Variants in RUNDC3B observed in about 807,000 individuals in gnomAD.
RUNDC3B encodes the protein RUN domain containing 3B, also known as RUN domain-containing protein 3B.
Under a neutral mutation model 58.4 loss-of-function variants are expected in RUNDC3B, and 33 were observed. That is an observed-to-expected ratio of 0.56 (90% CI 0.43 to 0.75). RUNDC3B has a LOEUF of 0.75. Ranked by LOEUF, RUNDC3B falls within the 30% of genes least tolerant of loss-of-function variation. The pLI is 0.00. For synonymous variants in RUNDC3B, 193 were observed against 195.2 expected (o/e 0.99, Z 0.10); for missense variants, 501 against 535.7 (o/e 0.94, Z 0.64).
chr7:87,820,901 G>A (rs1275867818), intron 10 of RUNDC3B, among the ~76,000 whole-genome samples: 2 of 151,906 alleles, frequency 1.3e-5, no homozygotes, highest in Non-Finnish European at 2.9e-5. Context: ...AAATAATAAA[G>A]AGCTATCTAT....
chr7:87,805,288 T>C (rs1366262195), intron 8 of RUNDC3B, among the ~76,000 whole-genome samples: 1 of 152,192 alleles, frequency 6.6e-6, no homozygotes, highest in African/African-American at 2.4e-5. Flanking sequence ...TGTCCCATAG[T>C]GTACTTGAGT....
intron 9 of RUNDC3B, among the ~76,000 whole-genome samples, chr7:87,811,557 C>T (rs755774915): frequency 2.6e-5 from 4 of 152,076 alleles, no homozygotes; most frequent in Non-Finnish European, 5.9e-5. Flanking sequence ...AGGATGGCCT[C>T]GATCTCTTGA....
At chr7:87,636,384 T>G (rs1057157999) in intron 1 of RUNDC3B, among the ~76,000 whole-genome samples, 1 of 152,222 alleles carries the variant, frequency 6.6e-6, no homozygotes, top group Non-Finnish European at 1.5e-5. Flanking sequence ...TTTCATAAAA[T>G]GGCAATTCAA....
At chr7:87,806,671 T>G (rs1357226588) in intron 8 of RUNDC3B, among the ~76,000 whole-genome samples, 1 of 152,140 alleles carries the variant, frequency 6.6e-6, no homozygotes, top group African/African-American at 2.4e-5. Context: ...GAAGTAACAG[T>G]TCTATAAAAA....
At position 87,650,918 on chromosome 7, in the gene RUNDC3B, T is replaced by A; in HGVS notation, c.219T>A (p.Ile73=). The change falls in exon 2 of 11, where the codon ATT becomes ATA. Residue 73 remains isoleucine (I), a synonymous_variant. Coordinates refer to ENST00000394654, the MANE Select transcript of RUNDC3B (RefSeq NM_001134405.2). ...ATTTTGCAGCTATTTTGGAACAGAT[T>A]TTAAGCCACCGGCTAAAAGGTAAAA... The part of the protein sequence containing the change: ...FNNFAAILEQ[I]LSHRLKGQVT... The A allele has an allele frequency of 1.2e-6, 2 of 1,606,024 alleles. No individual in the cohort carries two copies. Among genetic ancestry groups the A allele is most frequent in the Non-Finnish European group, 1.7e-6 (2 of 1,172,932 alleles).
chr7:87,763,306 GT>G (rs1476970465), intron 6 of RUNDC3B, among the ~76,000 whole-genome samples: 1 of 151,494 alleles, frequency 6.6e-6, no homozygotes, highest in African/African-American at 2.4e-5. Context: ...AATTGTTACT[GT>G]TTTATACTCT....
intron 8 of RUNDC3B, among the ~76,000 whole-genome samples, chr7:87,788,286 G>A (rs1835330350): frequency 6.6e-6 from 1 of 152,078 alleles, no homozygotes; most frequent in Non-Finnish European, 1.5e-5. Context: ...AGTTGGGTGT[G>A]GTGCTGTGTG....
At chr7:87,810,603 T>C (rs1210126964) in intron 9 of RUNDC3B, among the ~76,000 whole-genome samples, 2 of 152,192 alleles carry the variant, frequency 1.3e-5, no homozygotes, top group African/African-American at 4.8e-5. Flanking sequence ...AATTAAGCCA[T>C]TGAATAATTT....
intron 3 of RUNDC3B, among the ~76,000 whole-genome samples, chr7:87,702,142 CAAAAAAAAAAAA>C (rs146127516): frequency 0.022 from 376 of 16,766 alleles, 1 homozygote; most frequent in African/African-American, 0.063. Context: ...GACTCTGTCT[CAAAAAAAAAAAA>C]AAAAAAAAAA....
chr7:87,700,400 A>T (rs970017501), intron 2 of RUNDC3B, 21 bp from the exon 3 acceptor site: 3 of 1,561,274 alleles, frequency 1.9e-6, no homozygotes, highest in African/African-American at 2.8e-5. Flanking sequence ...AAAATTTTAT[A>T]TCGCAATTTG....
At chr7:87,728,120 C>A (rs1831354897) in intron 4 of RUNDC3B, among the ~76,000 whole-genome samples, 1 of 152,060 alleles carries the variant, frequency 6.6e-6, no homozygotes, top group African/African-American at 2.4e-5. Context: ...CTTATAACTC[C>A]AGTGTTTGCA....
chr7:87,750,324 T>G (rs1400640378), intron 6 of RUNDC3B, among the ~76,000 whole-genome samples: 1 of 151,896 alleles, frequency 6.6e-6, no homozygotes, highest in Non-Finnish European at 1.5e-5. Context: ...TTGTGAATAA[T>G]GCCGCAATAA....
intron 6 of RUNDC3B, among the ~76,000 whole-genome samples, chr7:87,754,329 C>T (rs1833224591): frequency 6.6e-6 from 1 of 152,116 alleles, no homozygotes; most frequent in Admixed American, 6.6e-5. Flanking sequence ...ACAACATGCT[C>T]CTGATTGACT....
Position 87,753,715 on chromosome 7 carries a change from T to C in RUNDC3B, c.629+12136T>C, listed in dbSNP as rs562802373. Among the ~76,000 whole-genome samples the C allele has an allele frequency of 2.9e-3, 438 of 152,338 alleles. 3 individuals are homozygous for C. The highest frequency in any genetic ancestry group is 9.8e-3 in the African/African-American group (409 of 41,580). Reference sequence around the variant, plus strand: ...ACTTTGAAGTCATCCTTAAATTCTCTGCTATAACTCAAATAGGATCCATCA... The same window carrying C: ...ACTTTGAAGTCATCCTTAAATTCTCCGCTATAACTCAAATAGGATCCATCA... On this transcript the variant is annotated intron_variant, in intron 6 of 10. Transcript: ENST00000394654.
chr7:87,694,008 G>A lies in RUNDC3B; in HGVS notation c.239-6413G>A. On this transcript the variant is annotated intron_variant, in intron 2 of 10. Coordinates refer to ENST00000394654, the MANE Select transcript of RUNDC3B (RefSeq NM_001134405.2). ...CGCCACTGAGCTGCACGGGAGCATG[G>A]AATTGACTTTCGGGGGAGGGCTGTA... 1.9e-6 allele frequency: 3 copies of A among 1,603,874 alleles called. No individual in the cohort carries two copies. In the South Asian group the frequency reaches 3.4e-5, roughly 18 times the overall value.
chr7:87,646,334 G>A (rs1823000441), intron 1 of RUNDC3B, among the ~76,000 whole-genome samples: 1 of 152,108 alleles, frequency 6.6e-6, no homozygotes, highest in South Asian at 2.1e-4. Flanking sequence ...AAGTAATCTA[G>A]TGTTATTCCT....
chr7:87,633,881 C>T (rs891308372), intron 1 of RUNDC3B, among the ~76,000 whole-genome samples: 19 of 151,986 alleles, frequency 1.3e-4, no homozygotes, highest in African/African-American at 4.6e-4. Context: ...TAAAGGAATA[C>T]CTGAGGTGGG....
At chr7:87,634,495 G>A (rs1443360007) in intron 1 of RUNDC3B, among the ~76,000 whole-genome samples, 2 of 29,206 alleles carry the variant, frequency 6.8e-5, no homozygotes, top group Admixed American at 7.1e-4. Flanking sequence ...GGTGGGGGGT[G>A]GGGGGGGGGG....
intron 10 of RUNDC3B, 93 bp from the exon 11 acceptor site, chr7:87,829,792 T>A: frequency 1.1e-6 from 1 of 917,108 alleles, no homozygotes; most frequent in Non-Finnish European, 1.7e-6. Context: ...ATTTTCACAG[T>A]ATTGATTCTT....
Sources: allele counts gnomAD v4.1 joint callset (sites outside exome capture counted in the v4.1 genomes callset), GRCh38; gene constraint gnomAD v4.1.1; transcripts MANE v1.5; gene names NCBI Gene and HGNC (gene_info 2026-07-23, HGNC 2026-07-21).